Variants in NFX1 observed in about 807,000 individuals in gnomAD.
NFX1 encodes nuclear transcription factor, X-box binding 1, also known as transcriptional repressor NF-X1.
Under a neutral mutation model 137.2 loss-of-function variants are expected in NFX1, and 69 were observed. That is an observed-to-expected ratio of 0.50 (90% CI 0.41 to 0.61). The LOEUF (loss-of-function observed/expected upper bound fraction) is 0.61, where lower values mean the gene tolerates loss of function less well. Ranked by LOEUF, NFX1 falls within the 20% of genes least tolerant of loss-of-function variation. The pLI, the probability that NFX1 is intolerant of heterozygous loss-of-function variation, is 0.00. For missense variants in NFX1, 1,167 were observed against 1,391.0 expected, an observed-to-expected ratio of 0.84 and a Z score of 2.56; for synonymous variants, 495 against 474.1, an observed-to-expected ratio of 1.04 and a Z score of -0.57.
intron 2 of NFX1, among the ~76,000 whole-genome samples, chr9:33,298,150 A>G (rs1821425503): frequency 6.6e-6 from 1 of 152,238 alleles, no homozygotes; most frequent in South Asian, 2.1e-4. Context: ...GATAAGGACT[A>G]AAAAGAAATA....
chr9:33,329,488 CTT>C (rs554247913), intron 10 of NFX1, among the ~76,000 whole-genome samples: 6 of 152,132 alleles, frequency 3.9e-5, no homozygotes, highest in Non-Finnish European at 8.8e-5. Flanking sequence ...AACAATGACA[CTT>C]ATATCAGGCA....
intron 15 of NFX1, among the ~76,000 whole-genome samples, chr9:33,351,172 T>C (rs1823622612): frequency 6.6e-6 from 1 of 150,628 alleles, no homozygotes; most frequent in Non-Finnish European, 1.5e-5. Context: ...ATACAAACTG[T>C]TATTGCCAGA....
At chr9:33,317,836 C>T (rs1025560177) in intron 7 of NFX1, among the ~76,000 whole-genome samples, 7 of 151,662 alleles carry the variant, frequency 4.6e-5, no homozygotes, top group African/African-American at 1.7e-4. Context: ...ATTAGCTGGG[C>T]GTGGTGGCGG....
Position 33,352,768 on chromosome 9 carries a change from A to C in NFX1, c.2729+49A>C, listed in dbSNP as rs1461701667. Reference sequence around the variant, plus strand: ...AACTGATGGCCTAGGTGAAACAGATACATGTGTTTTGTTTTGTTTTTAAAG... The same window carrying C: ...AACTGATGGCCTAGGTGAAACAGATCCATGTGTTTTGTTTTGTTTTTAAAG... On this transcript the variant is annotated intron_variant, in intron 17 of 23. Transcript: ENST00000379540. 4.1e-6 allele frequency: 6 copies of C among 1,472,112 alleles called. No homozygotes were observed. In the African/African-American group the frequency reaches 8.3e-5, roughly 20 times the overall value. The allele number at this position is 1,472,112 out of a possible 1,614,324, so 91.2% of individuals were successfully genotyped here.
At chr9:33,337,504 C>T (rs142116030) in intron 11 of NFX1, among the ~76,000 whole-genome samples, 20 of 152,328 alleles carry the variant, frequency 1.3e-4, no homozygotes, top group Non-Finnish European at 2.4e-4. Context: ...TTCTCCTCCA[C>T]ACCTTAAACA....
At chr9:33,352,896 C>T (rs1823689940) in intron 17 of NFX1, 177 bp downstream of exon 17, 1 of 560,626 alleles carries the variant, frequency 1.8e-6, no homozygotes, top group South Asian at 2.4e-5. Context: ...TCATAGTATC[C>T]TTGCAACTTT....
intron 19 of NFX1, among the ~76,000 whole-genome samples, chr9:33,357,006 A>T (rs899198555): frequency 9.9e-5 from 15 of 151,624 alleles, no homozygotes; most frequent in East Asian, 3.9e-4. Context: ...AAAAAAAAAA[A>T]AAATAAGCCG....
intron 10 of NFX1, 71 bp from the exon 11 acceptor site, chr9:33,332,401 G>T: frequency 7.2e-7 from 1 of 1,386,100 alleles, no homozygotes; most frequent in Non-Finnish European, 1.0e-6. Context: ...TGTTACCTAT[G>T]GCATTATATT....
chr9:33,304,554 T>C (rs1303852065), intron 4 of NFX1, among the ~76,000 whole-genome samples: 1 of 152,242 alleles, frequency 6.6e-6, no homozygotes, highest in African/African-American at 2.4e-5. Flanking sequence ...AATACCTTGG[T>C]GAACTCTTTG....
At chr9:33,320,880 A>G (rs1409451760) in intron 9 of NFX1, among the ~76,000 whole-genome samples, 2 of 152,200 alleles carry the variant, frequency 1.3e-5, no homozygotes, top group African/African-American at 4.8e-5. Context: ...GCCAGCGTGA[A>G]TCAGTGGGAA....
chr9:33,366,868 A>G lies in NFX1; in HGVS notation c.3185+94A>G. On this transcript the variant is annotated intron_variant, in intron 22 of 23. Coordinates refer to ENST00000379540, the MANE Select transcript of NFX1 (RefSeq NM_002504.6). ...GTCAATACTTGTCTTTCTTACTACC[A>G]CTCTCCCTCTTGGAAAAGTAGAAGG... The G allele has an allele frequency of 2.2e-6, 3 of 1,393,018 alleles. No homozygotes were observed. The South Asian group carries it at 4.3e-5, about 20-fold the overall frequency. 86.3% of individuals were successfully genotyped at this position (1,393,018 alleles called of 1,614,324 possible).
intron 2 of NFX1, among the ~76,000 whole-genome samples, chr9:33,297,994 A>G (rs1356804541): frequency 1.3e-5 from 2 of 152,166 alleles, no homozygotes; most frequent in East Asian, 1.9e-4. Flanking sequence ...CATTATTCAT[A>G]TCATTTTTGA....
chr9:33,356,193 G>A (rs142078113), intron 19 of NFX1, among the ~76,000 whole-genome samples: 1 of 152,302 alleles, frequency 6.6e-6, no homozygotes, highest in Non-Finnish European at 1.5e-5. Flanking sequence ...ATAACAAGAT[G>A]TCATTGAGCT....
intron 7 of NFX1, among the ~76,000 whole-genome samples, chr9:33,315,524 C>T (rs112322350): frequency 2.0e-5 from 3 of 152,088 alleles, no homozygotes; most frequent in Non-Finnish European, 2.9e-5. Context: ...CTTTCCCCAG[C>T]GTTTCCTTTC....
chr9:33,347,038 T>C lies in NFX1; in HGVS notation c.2345T>C (p.Val782Ala), dbSNP rs758784376. The C allele has an allele frequency of 1.4e-5, 22 of 1,610,396 alleles. No homozygotes were observed. In the Middle Eastern group the frequency reaches 5.0e-4, roughly 36 times the overall value. The change falls in exon 15 of 24, where the codon GTA becomes GCA. Residue 782 changes from valine to alanine, a missense_variant and splice_region_variant. Around this residue, in one of 3 missense-constraint regions of NFX1, gnomAD observed 488 missense variants for 691.5 expected, o/e 0.71. Transcript: ENST00000379540. ...TAAAGTTACCTTTCTCTTTCTGCAG[T>C]ATATCATTCTTGTCATAGTGAGGAG... Reference protein sequence around the residue: ...CARVHECDHPVYHSCHSEEKC... With the variant: ...CARVHECDHPAYHSCHSEEKC...
rs143559591 is a variant in NFX1 at position 33,354,180 on chromosome 9, C to G, written c.2824C>G (p.Gln942Glu). The change falls in exon 18 of 24, where the codon CAA becomes GAA. Residue 942 changes from glutamine to glutamate, a missense_variant. Physicochemically the swap from Gln to Glu is conservative, Grantham distance 29. This residue lies in a region of NFX1 where 312 missense variants were observed against 312.8 expected (regional missense o/e 1.00). Transcript: ENST00000379540. Reference protein sequence around the residue: ...SKLITKKEVHQARLECDEECS... With the variant: ...SKLITKKEVHEARLECDEECS... ...GTTAATTACCAAAAAGGAAGTTCAT[C>G]AAGCCAGGTAATTTTTAAAATGCAT... 5.5e-5 allele frequency: 88 copies of G among 1,611,802 alleles called. No individual in the cohort carries two copies. In the African/African-American group the frequency reaches 1.0e-3, roughly 19 times the overall value.
At chr9:33,309,802 A>G (rs1316050188) in intron 5 of NFX1, among the ~76,000 whole-genome samples, 2 of 152,148 alleles carry the variant, frequency 1.3e-5, no homozygotes, top group East Asian at 1.9e-4. Context: ...GTGAACATCA[A>G]TATTTTTAAA....
At chr9:33,335,913 TATAC>T (rs1388989418) in intron 11 of NFX1, among the ~76,000 whole-genome samples, 2 of 152,250 alleles carry the variant, frequency 1.3e-5, no homozygotes, top group African/African-American at 4.8e-5. Flanking sequence ...ATTTTATGAA[TATAC>T]ATTTTATCCA....
In NFX1 at chr9:33,370,031, T is replaced by C. The variant is rs1188638648; in HGVS notation, c.*53T>C. On this transcript the variant is annotated 3_prime_UTR_variant, in exon 24 of 24. Transcript: ENST00000379540. ...AATGATTAGGTATAGTGGAGACTTA[T>C]TTGCCAGCAGATAAATCATGCCCGT... 5.7e-6 allele frequency: 8 copies of C among 1,412,252 alleles called. No homozygotes were observed. The highest frequency in any genetic ancestry group is 1.2e-5 in the South Asian group (1 of 84,454). 87.5% of individuals were successfully genotyped at this position (1,412,252 alleles called of 1,614,324 possible). A position where few individuals can be genotyped will look rare whatever the true frequency, so the allele number is the denominator to read the frequency against.
Sources: gnomAD v4.1 joint callset for allele counts (sites outside exome capture counted in the v4.1 genomes callset) on GRCh38, gnomAD v4.1.1 for gene constraint, gnomAD v4.1.1 regional missense constraint, MANE v1.5 for transcripts, NCBI Gene and HGNC (gene_info 2026-07-23, HGNC 2026-07-21) for gene names.